CNTNAP2: variants seen among roughly 807,000 people sequenced by gnomAD.
CNTNAP2 encodes the protein contactin-associated protein-like 2.
A neutral mutation model predicts 155.2 loss-of-function variants in CNTNAP2; 98 were observed. That is an observed-to-expected ratio of 0.63 (90% confidence interval 0.54 to 0.75). The LOEUF is 0.75. Ranked by LOEUF, CNTNAP2 falls within the 30% of genes least tolerant of loss-of-function variation. The pLI is 0.00. For missense variants in CNTNAP2, 1,727 were observed against 1,688.1 expected (o/e 1.02, Z -0.40); for synonymous variants, 651 against 631.2 (o/e 1.03, Z -0.47).
chr7:146,185,806 G>A (rs1307139774), intron 1 of CNTNAP2, among the ~76,000 whole-genome samples: 3 of 146,994 alleles, frequency 2.0e-5, no homozygotes, highest in Non-Finnish European at 4.5e-5. Context: ...TCTTTCTGTG[G>A]GCTAAAGTAG....
At chr7:147,623,265 A>G (rs1470497946) in intron 12 of CNTNAP2, among the ~76,000 whole-genome samples, 1 of 152,102 alleles carries the variant, frequency 6.6e-6, no homozygotes, top group African/African-American at 2.4e-5. Context: ...GAGCATTCAG[A>G]CAAAAGAACA....
intron 1 of CNTNAP2, among the ~76,000 whole-genome samples, chr7:146,470,500 CT>C (rs1452320510): frequency 1.3e-5 from 2 of 152,134 alleles, no homozygotes; most frequent in African/African-American, 4.8e-5. Flanking sequence ...CTCTTCTTTC[CT>C]GAATGAATCT....
intron 15 of CNTNAP2, among the ~76,000 whole-genome samples, chr7:148,080,387 C>T (rs1276755163): frequency 2.6e-5 from 4 of 151,944 alleles, no homozygotes; most frequent in Non-Finnish European, 2.9e-5. Context: ...AGGCGGATCA[C>T]GAGGTCAGGA....
intron 1 of CNTNAP2, among the ~76,000 whole-genome samples, chr7:146,709,553 T>C (rs1801026381): frequency 6.6e-6 from 1 of 152,168 alleles, no homozygotes; most frequent in Admixed American, 6.5e-5. Flanking sequence ...AGCATGGATA[T>C]GATTGTCCGG....
At chr7:146,164,678 A>G (rs1798285328) in intron 1 of CNTNAP2, among the ~76,000 whole-genome samples, 1 of 152,124 alleles carries the variant, frequency 6.6e-6, no homozygotes, top group South Asian at 2.1e-4. Context: ...ACATTGAGTT[A>G]TTTTTTCATT....
At chr7:147,255,865 A>G (rs933840189) in intron 8 of CNTNAP2, among the ~76,000 whole-genome samples, 1 of 152,054 alleles carries the variant, frequency 6.6e-6, no homozygotes, top group South Asian at 2.1e-4. Flanking sequence ...AGCCACCAGA[A>G]TAGCTAAGAT....
chr7:146,872,950 C>A (rs1562981707), intron 3 of CNTNAP2, among the ~76,000 whole-genome samples: 1 of 152,208 alleles, frequency 6.6e-6, no homozygotes. Context: ...ACTATCCCAA[C>A]ATAGCACCTG....
At chr7:147,864,991 CCTTGT>C (rs1295600413) in intron 13 of CNTNAP2, among the ~76,000 whole-genome samples, 1 of 152,140 alleles carries the variant, frequency 6.6e-6, no homozygotes, top group Non-Finnish European at 1.5e-5. Flanking sequence ...GAGAAGACAT[CCTTGT>C]CTTGTGCCAG....
chr7:148,026,653 T>C (rs1168620137), intron 15 of CNTNAP2, among the ~76,000 whole-genome samples: 3 of 152,192 alleles, frequency 2.0e-5, no homozygotes, highest in Non-Finnish European at 4.4e-5. Flanking sequence ...TTTGGATCTC[T>C]TGTTTTTAAA....
intron 1 of CNTNAP2, among the ~76,000 whole-genome samples, chr7:146,131,635 A>G (rs979389410): frequency 6.6e-5 from 10 of 152,158 alleles, no homozygotes; most frequent in Non-Finnish European, 8.8e-5. Context: ...TAATTTGTAA[A>G]CTTTCAGCAT....
intron 1 of CNTNAP2, among the ~76,000 whole-genome samples, chr7:146,761,775 T>G (rs1372746798): frequency 3.3e-5 from 5 of 152,086 alleles, no homozygotes; most frequent in African/African-American, 1.2e-4. Flanking sequence ...TATAGCTAAC[T>G]GGGTAATTTA....
intron 13 of CNTNAP2, among the ~76,000 whole-genome samples, chr7:147,792,741 T>C (rs1797839025): frequency 6.6e-6 from 1 of 152,226 alleles, no homozygotes; most frequent in Non-Finnish European, 1.5e-5. Flanking sequence ...CTGGGCTATA[T>C]TGTAACAGTA....
chr7:146,254,330 T>A (rs1328383801), intron 1 of CNTNAP2, among the ~76,000 whole-genome samples: 3 of 152,242 alleles, frequency 2.0e-5, no homozygotes, highest in Non-Finnish European at 4.4e-5. Flanking sequence ...AAGCATTTCA[T>A]GTGTATTTCA....
intron 1 of CNTNAP2, among the ~76,000 whole-genome samples, chr7:146,398,084 A>T (rs1034792171): frequency 6.7e-6 from 1 of 148,686 alleles, no homozygotes; most frequent in Non-Finnish European, 1.5e-5. Context: ...GTTGCCCAGG[A>T]TGGTCTTGAA....
chr7:146,661,271 T>A (rs914252490), intron 1 of CNTNAP2, among the ~76,000 whole-genome samples: 1 of 152,090 alleles, frequency 6.6e-6, no homozygotes, highest in Non-Finnish European at 1.5e-5. Flanking sequence ...CATCTATACT[T>A]AAGGGCTTTT....
chr7:146,172,090 A>C, intron 1 of CNTNAP2, among the ~76,000 whole-genome samples: 1 of 105,450 alleles, frequency 9.5e-6, no homozygotes, highest in Admixed American at 1.0e-4. Context: ...TTACTTTGGA[A>C]GTTTCTTCTT....
At chr7:148,122,704 C>G (rs1041293222) in intron 16 of CNTNAP2, among the ~76,000 whole-genome samples, 1 of 152,016 alleles carries the variant, frequency 6.6e-6, no homozygotes, top group Non-Finnish European at 1.5e-5. Flanking sequence ...GACAACCAGC[C>G]ATGGGAGCCT....
intron 13 of CNTNAP2, among the ~76,000 whole-genome samples, chr7:147,664,305 T>C (rs1795661626): frequency 6.6e-6 from 1 of 152,228 alleles, no homozygotes; most frequent in Non-Finnish European, 1.5e-5. Context: ...TTGTTTCATC[T>C]CTGGCTGACA....
At chr7:147,841,816 T>C (rs1798737358) in intron 13 of CNTNAP2, among the ~76,000 whole-genome samples, 2 of 152,188 alleles carry the variant, frequency 1.3e-5, no homozygotes, top group African/African-American at 2.4e-5. Flanking sequence ...CAATTATGTA[T>C]TTTTAAATAT....
Sources: gnomAD v4.1 joint callset for allele counts (sites outside exome capture counted in the v4.1 genomes callset) on GRCh38, gnomAD v4.1.1 for gene constraint, MANE v1.5 for transcripts, NCBI Gene and HGNC (gene_info 2026-07-23, HGNC 2026-07-21) for gene names.